The following KCNH1 variants were observed in gnomAD, a reference collection of about 807,000 sequenced individuals.
KCNH1 encodes potassium voltage-gated channel subfamily H member 1, also known as voltage-gated delayed rectifier potassium channel KCNH1.
KCNH1 carries 27 observed loss-of-function variants against 69.2 expected under a neutral mutation model. The observed-to-expected ratio is 0.39, with a 90% CI of 0.29 to 0.54. The LOEUF is 0.54. KCNH1 is among the 20% of genes least tolerant of loss of function. KCNH1 has a pLI of 0.68. For synonymous variants in KCNH1, 456 were observed against 487.7 expected, an observed-to-expected ratio of 0.93 and a Z score of 0.86; for missense variants, 798 against 1,261.6, an observed-to-expected ratio of 0.63 and a Z score of 5.57.
In KCNH1 at chr1:210,919,484, T is replaced by G; in HGVS notation, c.1462+156A>C. Reference sequence around the variant, plus strand: ...AAATTTTTTTGCAGTAAGCATATACTGCTTTAATTATCAGGGTAACTGTAA... The same window carrying G: ...AAATTTTTTTGCAGTAAGCATATACGGCTTTAATTATCAGGGTAACTGTAA... On this transcript the variant is annotated intron_variant, in intron 7 of 10. Transcript: ENST00000271751. This position sits in a 1 kb window ranked among gnomAD's most constrained non-coding sequence, Gnocchi z 4.2. 1 of 755,902 alleles carries G rather than the reference T, an allele frequency of 1.3e-6. No individual in the cohort carries two copies. Among genetic ancestry groups the G allele is most frequent in the Non-Finnish European group, 2.2e-6 (1 of 456,866 alleles). 46.8% of individuals were successfully genotyped at this position (755,902 alleles called of 1,614,324 possible). A position where few individuals can be genotyped will look rare whatever the true frequency, so the allele number is the denominator to read the frequency against.
intron 6 of KCNH1, among the ~76,000 whole-genome samples, chr1:210,954,801 G>A (rs2102349598): frequency 6.6e-6 from 1 of 152,210 alleles, no homozygotes; most frequent in African/African-American, 2.4e-5. Context: ...CTGGATATTA[G>A]CCCTTTGTCA....
chr1:210,835,294 A>G (rs370762022), intron 7 of KCNH1, among the ~76,000 whole-genome samples: 1 of 151,804 alleles, frequency 6.6e-6, no homozygotes, highest in East Asian at 1.9e-4. Context: ...TGTGAGACCA[A>G]GTATTAATTT....
chr1:210,960,363 A>G (rs900862220), intron 6 of KCNH1, among the ~76,000 whole-genome samples: 1 of 152,174 alleles, frequency 6.6e-6, no homozygotes, highest in African/African-American at 2.4e-5. Flanking sequence ...AATCAAGATA[A>G]TGGCATTTCA....
At chr1:210,986,208 G>A (rs1688830407) in intron 6 of KCNH1, among the ~76,000 whole-genome samples, 1 of 152,168 alleles carries the variant, frequency 6.6e-6, no homozygotes, top group Admixed American at 6.5e-5. Flanking sequence ...CCTGAATACA[G>A]CACACTGATG....
chr1:210,758,340 ACT>A (rs1324089326), intron 10 of KCNH1, among the ~76,000 whole-genome samples: 1 of 151,854 alleles, frequency 6.6e-6, no homozygotes, highest in East Asian at 1.9e-4. Flanking sequence ...CTGGAATTAG[ACT>A]CTCTCTCATC....
chr1:210,681,336 C>T lies in KCNH1; in HGVS notation c.*1945G>A, dbSNP rs1158647545. Reference sequence around the variant, plus strand: ...TGTGACTCGGCCTTAGGAAATTAGACTTCCTCTTACTTGTATGCCGCCATC... The same window carrying T: ...TGTGACTCGGCCTTAGGAAATTAGATTTCCTCTTACTTGTATGCCGCCATC... On this transcript the variant is annotated 3_prime_UTR_variant, in exon 11 of 11. Coordinates refer to ENST00000271751, the MANE Select transcript of KCNH1 (RefSeq NM_172362.3). 6.6e-6 allele frequency: 1 copy of T among 152,250 alleles called. No homozygotes were observed. Among genetic ancestry groups the T allele is most frequent in the African/African-American group, 2.4e-5 (1 of 41,460 alleles). 9.4% of individuals were successfully genotyped at this position (152,250 alleles called of 1,614,324 possible).
intron 6 of KCNH1, among the ~76,000 whole-genome samples, chr1:210,967,493 G>GA (rs5780620): frequency 0.036 from 5,508 of 151,662 alleles, 204 homozygotes; most frequent in East Asian, 0.14. Flanking sequence ...ATATGAGGGA[G>GA]AAAAAAAATC....
intron 7 of KCNH1, among the ~76,000 whole-genome samples, chr1:210,917,278 A>G (rs537018742): frequency 1.3e-5 from 2 of 150,740 alleles, no homozygotes; most frequent in South Asian, 2.1e-4. Context: ...AAAGAAAGAA[A>G]GAAAAGAAAA....
intron 6 of KCNH1, among the ~76,000 whole-genome samples, chr1:210,966,533 A>G (rs1688404290): frequency 6.6e-6 from 1 of 151,804 alleles, no homozygotes; most frequent in South Asian, 2.1e-4. Flanking sequence ...TATTTACAAG[A>G]AAAAGCCATC....
chr1:211,070,262 C>CAA (rs936861252), intron 5 of KCNH1, among the ~76,000 whole-genome samples: 18 of 151,482 alleles, frequency 1.2e-4, no homozygotes, highest in African/African-American at 4.4e-4. Flanking sequence ...ACTAAAAATA[C>CAA]AAAAAATAAG....
chr1:210,924,449 A>G (rs1687527118), intron 6 of KCNH1, among the ~76,000 whole-genome samples: 1 of 152,192 alleles, frequency 6.6e-6, no homozygotes, highest in South Asian at 2.1e-4. Flanking sequence ...TTGATACTCT[A>G]TTACATGGTT....
chr1:210,790,423 C>G (rs942570014), intron 9 of KCNH1, among the ~76,000 whole-genome samples: 1 of 152,200 alleles, frequency 6.6e-6, no homozygotes, highest in Admixed American at 6.5e-5. Flanking sequence ...CTCTTGCTTT[C>G]CTGTCTTTGC....
intron 7 of KCNH1, among the ~76,000 whole-genome samples, chr1:210,809,910 G>A (rs1330487234): frequency 1.3e-5 from 2 of 152,030 alleles, no homozygotes; most frequent in African/African-American, 4.8e-5. Context: ...CTTCTCTGAA[G>A]TCCCCTTGGC....
chr1:210,904,934 T>A (rs934431759), intron 7 of KCNH1, among the ~76,000 whole-genome samples: 1 of 152,062 alleles, frequency 6.6e-6, no homozygotes, highest in South Asian at 2.1e-4. Context: ...AGTGAGTAAC[T>A]AAGGGGATGT....
chr1:211,047,147 A>T (rs1178964133), intron 5 of KCNH1, among the ~76,000 whole-genome samples: 1 of 152,158 alleles, frequency 6.6e-6, no homozygotes, highest in African/African-American at 2.4e-5. Flanking sequence ...ATACCTCTCA[A>T]TTCAGACAAG....
chr1:210,865,663 C>G (rs1338720892), intron 7 of KCNH1, among the ~76,000 whole-genome samples: 1 of 152,242 alleles, frequency 6.6e-6, no homozygotes. Context: ...AAAACAGTAT[C>G]TCCAGATAGA....
chr1:211,124,673 G>A (rs915860072), intron 1 of KCNH1, among the ~76,000 whole-genome samples: 1 of 152,138 alleles, frequency 6.6e-6, no homozygotes, highest in African/African-American at 2.4e-5. Flanking sequence ...CAAGTAATTG[G>A]CTCTCTCAGC....
rs188753165 is a variant in KCNH1 at position 210,838,511 on chromosome 1, A to G, written c.1463-34345T>C. On this transcript the variant is annotated intron_variant, in intron 7 of 10. Coordinates refer to ENST00000271751, the MANE Select transcript of KCNH1 (RefSeq NM_172362.3). ...ACCATTCAGGACATAGGCATGGGCAAAGATTTCATGATGAAGATACCAAAA... is the reference window on the plus strand; with the variant it reads ...ACCATTCAGGACATAGGCATGGGCAGAGATTTCATGATGAAGATACCAAAA... 1.3e-3 allele frequency among the ~76,000 whole-genome samples: 205 copies of G among 152,340 alleles called. 1 individual carries two copies. The highest frequency in any genetic ancestry group is 4.8e-3 in the African/African-American group (200 of 41,588).
chr1:211,065,536 G>A (rs1358665937), intron 5 of KCNH1, among the ~76,000 whole-genome samples: 1 of 152,040 alleles, frequency 6.6e-6, no homozygotes. Flanking sequence ...CATTTAGATA[G>A]GAAGAATAAG....
Sources: allele counts gnomAD v4.1 joint callset (sites outside exome capture counted in the v4.1 genomes callset), GRCh38; gene constraint gnomAD v4.1.1; non-coding constraint Gnocchi (gnomAD v3.1); transcripts MANE v1.5; gene names NCBI Gene and HGNC (gene_info 2026-07-23, HGNC 2026-07-21).